VTI1B: variants seen among roughly 807,000 people sequenced by gnomAD.
VTI1B encodes the protein vesicle transport through interaction with t-SNAREs 1B.
Under a neutral mutation model 28.6 loss-of-function variants are expected in VTI1B, and 18 were observed. The ratio of observed to expected loss-of-function variants is 0.63; its 90% CI spans 0.43 to 0.93. The LOEUF is 0.93. VTI1B is among the 40% of genes least tolerant of loss of function. The probability of loss-of-function intolerance (pLI) is 0.00; values close to 1 mark genes in which losing one functional copy is unlikely to be tolerated. For synonymous variants in VTI1B, 100 were observed against 107.9 expected (o/e 0.93, Z 0.46); for missense variants, 283 against 297.0 (o/e 0.95, Z 0.35).
At position 67,674,368 on chromosome 14, in the gene VTI1B, G is replaced by A; in HGVS notation, c.115+7C>T. ...GCTCCCCACGGCGTGGCCCACCCCC[G>A]CCTCACCGGTCCCCGCCGTCCCCAG... is the stretch of plus-strand genomic sequence containing the variant. On this transcript the variant is annotated splice_region_variant and intron_variant, in intron 1 of 5. Coordinates refer to ENST00000554659, the MANE Select transcript of VTI1B (RefSeq NM_006370.3). The A allele has an allele frequency of 6.3e-7, 1 of 1,584,548 alleles. No individual in the cohort carries two copies. Among genetic ancestry groups the A allele is most frequent in the African/African-American group, 1.4e-5 (1 of 73,602 alleles).
Position 67,651,343 on chromosome 14 carries a change from C to A in VTI1B, c.*42G>T, listed in dbSNP as rs774272882. ...CCACATCCCTAACATCATGCATTCA[C>A]AAGGTCAAAGTTCTGGTCCACAAAC... is the stretch of plus-strand genomic sequence containing the variant. On this transcript the variant is annotated 3_prime_UTR_variant, in exon 6 of 6. Coordinates refer to ENST00000554659, the MANE Select transcript of VTI1B (RefSeq NM_006370.3). 2 of 1,612,214 alleles carry A rather than the reference C, an allele frequency of 1.2e-6. No homozygotes were observed. The highest frequency in any genetic ancestry group is 8.5e-7 in the Non-Finnish European group (1 of 1,178,890).
intron 4 of VTI1B, 43 bp downstream of exon 4, chr14:67,656,373 A>C: frequency 6.7e-7 from 1 of 1,494,722 alleles, no homozygotes; most frequent in Non-Finnish European, 9.0e-7. Flanking sequence ...GTGGCCCCCT[A>C]ATTACCCCAT....
intron 1 of VTI1B, chr14:67,663,150 G>C (rs2037360556): frequency 1.3e-6 from 2 of 1,532,028 alleles, no homozygotes; most frequent in African/African-American, 2.7e-5. Flanking sequence ...CTGTCCCTTT[G>C]GTTGAGTGTA....
rs1490076972 is a variant in VTI1B, at chr14:67,650,036, A to C, written c.*1349T>G. The C allele has an allele frequency of 6.6e-6, 1 of 152,332 alleles. No homozygotes were observed. Among genetic ancestry groups the C allele is most frequent in the Admixed American group, 6.5e-5 (1 of 15,282 alleles). The allele number at this position is 152,332 out of a possible 1,614,324, so 9.4% of individuals were successfully genotyped here. A position where few individuals can be genotyped will look rare whatever the true frequency, so the allele number is the denominator to read the frequency against. ...GACACAAGTTCTCAAACCTTAACAG[A>C]AGGTAACTGAAGTCCAGATAAAATA... On this transcript the variant is annotated 3_prime_UTR_variant, in exon 6 of 6. Coordinates refer to ENST00000554659, the MANE Select transcript of VTI1B (RefSeq NM_006370.3).
At chr14:67,655,053 A>AT (rs1566810894) in intron 4 of VTI1B, among the ~76,000 whole-genome samples, 2 of 150,254 alleles carry the variant, frequency 1.3e-5, no homozygotes, top group African/African-American at 2.4e-5. Context: ...AAAAAAAAAA[A>AT]TTCCAGCTGG....
In VTI1B at chr14:67,650,908, T is replaced by G. The variant is rs1293743970; in HGVS notation, c.*477A>C. The G allele has an allele frequency of 6.8e-6, 11 of 1,613,900 alleles. No homozygotes were observed. The highest frequency in any genetic ancestry group is 1.3e-5 in the African/African-American group (1 of 74,930). On this transcript the variant is annotated 3_prime_UTR_variant, in exon 6 of 6. Transcript: ENST00000554659. ...CAGATGAATCAGAAAATCAAGCACG[T>G]GTGAGAATTTAGGAGACACTGTGCA...
At position 67,648,971 on chromosome 14, in the gene VTI1B, G is replaced by A. The variant is rs998298384; in HGVS notation, c.*2414C>T. ...ACTAGCTGGGATAGAAACTCACATT[G>A]AGAAATGGTCTCCTTAGCGCCACAG... On this transcript the variant is annotated 3_prime_UTR_variant, in exon 6 of 6. Coordinates refer to ENST00000554659, the MANE Select transcript of VTI1B (RefSeq NM_006370.3). 2 of 152,194 alleles carry A rather than the reference G, an allele frequency of 1.3e-5. No individual in the cohort carries two copies. Among genetic ancestry groups the A allele is most frequent in the African/African-American group, 4.8e-5 (2 of 41,430 alleles). 9.4% of individuals were successfully genotyped at this position (152,194 alleles called of 1,614,324 possible). A position where few individuals can be genotyped will look rare whatever the true frequency, so the allele number is the denominator to read the frequency against.
At chr14:67,669,664 C>A (rs1299059328) in intron 1 of VTI1B, among the ~76,000 whole-genome samples, 4 of 152,184 alleles carry the variant, frequency 2.6e-5, no homozygotes, top group African/African-American at 9.7e-5. Flanking sequence ...TTCTCATCCA[C>A]AACCCAAACT....
intron 1 of VTI1B, among the ~76,000 whole-genome samples, chr14:67,673,390 C>T (rs2037493686): frequency 6.6e-6 from 1 of 152,224 alleles, no homozygotes; most frequent in Non-Finnish European, 1.5e-5. Flanking sequence ...GTCCCATCCC[C>T]TATTCTTTTA....
At position 67,656,327 on chromosome 14, in the gene VTI1B, C is replaced by T. The variant is rs191171255; in HGVS notation, c.540+89G>A. ...AGACTATTCCCTGAATACAGAACTGCTGTAGCTTTTGGCCTTAGTACGGTT... is the reference window on the plus strand; with the variant it reads ...AGACTATTCCCTGAATACAGAACTGTTGTAGCTTTTGGCCTTAGTACGGTT... On this transcript the variant is annotated intron_variant, in intron 4 of 5. Coordinates refer to ENST00000554659, the MANE Select transcript of VTI1B (RefSeq NM_006370.3). The T allele has an allele frequency of 2.8e-4, 345 of 1,240,240 alleles. 1 individual carries two copies. The highest frequency in any genetic ancestry group is 3.5e-4 in the Non-Finnish European group (321 of 927,526). 76.8% of individuals were successfully genotyped at this position (1,240,240 alleles called of 1,614,324 possible).
chr14:67,661,363 G>A (rs1046807381), intron 2 of VTI1B, among the ~76,000 whole-genome samples: 6 of 149,002 alleles, frequency 4.0e-5, no homozygotes, highest in African/African-American at 7.4e-5. Flanking sequence ...TTCAGTAAAC[G>A]GAACCAACTT....
intron 5 of VTI1B, chr14:67,652,641 C>G (rs893510206): frequency 6.6e-6 from 1 of 152,224 alleles, no homozygotes; most frequent in Non-Finnish European, 1.5e-5. Flanking sequence ...CCCAAGAACC[C>G]TGACAACTCC....
At chr14:67,669,255 A>T (rs1594841562) in intron 1 of VTI1B, among the ~76,000 whole-genome samples, 3 of 150,384 alleles carry the variant, frequency 2.0e-5, no homozygotes. Flanking sequence ...CTCTCAATTC[A>T]CATACTTCTT....
Position 67,650,934 on chromosome 14 carries a change from C to T in VTI1B, c.*451G>A, listed in dbSNP as rs369339972. On this transcript the variant is annotated 3_prime_UTR_variant, in exon 6 of 6. Transcript: ENST00000554659. ...GTGAGAATTTAGGAGACACTGTGCACTGACATGTTTCACAACAGGCATTCC... is the reference window on the plus strand; with the variant it reads ...GTGAGAATTTAGGAGACACTGTGCATTGACATGTTTCACAACAGGCATTCC... The T allele has an allele frequency of 6.2e-7, 1 of 1,611,666 alleles. No homozygotes were observed. Among genetic ancestry groups the T allele is most frequent in the East Asian group, 2.2e-5 (1 of 44,880 alleles).
chr14:67,654,748 G>C (rs969970131), intron 4 of VTI1B, among the ~76,000 whole-genome samples: 2 of 152,040 alleles, frequency 1.3e-5, no homozygotes, highest in Non-Finnish European at 2.9e-5. Flanking sequence ...AAAAAATTTT[G>C]CCCGGGCGCA....
At chr14:67,663,058 T>G (rs1388066094) in intron 1 of VTI1B, 1 of 1,461,220 alleles carries the variant, frequency 6.8e-7, no homozygotes, top group African/African-American at 1.4e-5. Flanking sequence ...TCTGGTGTGG[T>G]GCTTGTTTTT....
chr14:67,662,167 C>T (rs2037344770), intron 2 of VTI1B, among the ~76,000 whole-genome samples: 1 of 145,700 alleles, frequency 6.9e-6, no homozygotes, highest in Non-Finnish European at 1.5e-5. Context: ...AAACAAACAA[C>T]AACAACAACA....
chr14:67,656,514 G>A lies in VTI1B; in HGVS notation c.442C>T (p.Arg148Cys), dbSNP rs78438231. 5.6e-6 allele frequency: 9 copies of A among 1,613,766 alleles called. No homozygotes were observed. Among genetic ancestry groups the A allele is most frequent in the African/African-American group, 1.3e-5 (1 of 74,894 alleles). ...SLNRATQSIE[R>C]SHRIATETDQ... ...GTCTCTGTGGCAATCCGATGAGAAC[G>A]TTCAATACTTTGGGTGGCCCGGTTC... The change falls in exon 4 of 6, where the codon CGT becomes TGT. Residue 148 changes from arginine to cysteine, a missense_variant. Physicochemically the swap from Arg to Cys is radical, Grantham distance 180 (BLOSUM62 -3). Coordinates refer to ENST00000554659, the MANE Select transcript of VTI1B (RefSeq NM_006370.3).
intron 4 of VTI1B, 145 bp from the exon 5 acceptor site, chr14:67,653,643 G>GT: frequency 1.5e-6 from 1 of 660,666 alleles, no homozygotes; most frequent in Non-Finnish European, 2.6e-6. Context: ...GCCTTTGAGT[G>GT]TAAGTAGAAG....
Sources: gnomAD v4.1 joint callset for allele counts (sites outside exome capture counted in the v4.1 genomes callset) on GRCh38, gnomAD v4.1.1 for gene constraint, MANE v1.5 for transcripts, NCBI Gene and HGNC (gene_info 2026-07-23, HGNC 2026-07-21) for gene names.